Variants in TLK1 observed in about 807,000 individuals in gnomAD.
The protein encoded by TLK1 is tousled like kinase 1.
A neutral mutation model predicts 105.3 loss-of-function variants in TLK1; 24 were observed. That is an observed-to-expected ratio of 0.23 (90% CI 0.17 to 0.32). The LOEUF (loss-of-function observed/expected upper bound fraction) is 0.32. TLK1 is among the 10% of genes least tolerant of loss of function. The pLI is 1.00. For missense variants in TLK1, 558 were observed against 910.5 expected (o/e 0.61, Z 4.98); for synonymous variants, 321 against 310.4 (o/e 1.03, Z -0.36).
intron 10 of TLK1, among the ~76,000 whole-genome samples, chr2:171,048,941 C>A (rs538230100): frequency 1.3e-5 from 2 of 152,168 alleles, no homozygotes; most frequent in Non-Finnish European, 2.9e-5. Context: ...ACATAAACAG[C>A]CAATAAATCC....
intron 1 of TLK1, among the ~76,000 whole-genome samples, chr2:171,159,294 T>C (rs1197652440): frequency 6.6e-6 from 1 of 152,218 alleles, no homozygotes; most frequent in Admixed American, 6.5e-5. Context: ...TTTTCCAGAC[T>C]AAAGAGCGTT....
intron 1 of TLK1, among the ~76,000 whole-genome samples, chr2:171,133,201 T>C (rs533787446): frequency 7.5e-4 from 114 of 152,234 alleles, no homozygotes; most frequent in African/African-American, 2.5e-3. Flanking sequence ...AGGGGAAACA[T>C]GGGGACATGT....
chr2:171,195,501 C>CAAAAAAAAA (rs55835853), intron 1 of TLK1, among the ~76,000 whole-genome samples: 3 of 66,290 alleles, frequency 4.5e-5, no homozygotes, highest in African/African-American at 1.0e-4. Context: ...GACTCTGTCT[C>CAAAAAAAAA]AAAAAAAAAA....
intron 1 of TLK1, among the ~76,000 whole-genome samples, chr2:171,224,853 CAT>C (rs1313622228): frequency 6.6e-6 from 1 of 152,090 alleles, no homozygotes; most frequent in African/African-American, 2.4e-5. Flanking sequence ...TAGTGATAGA[CAT>C]ATGTGTATAT....
At chr2:171,037,540 T>A (rs951132545) in intron 11 of TLK1, among the ~76,000 whole-genome samples, 3 of 151,960 alleles carry the variant, frequency 2.0e-5, no homozygotes, top group African/African-American at 7.3e-5. Context: ...TAAGGAAGTA[T>A]CTTCTGCTTG....
chr2:171,215,287 A>C (rs1412105372), intron 1 of TLK1, among the ~76,000 whole-genome samples: 1 of 150,494 alleles, frequency 6.6e-6, no homozygotes, highest in East Asian at 2.0e-4. Context: ...CTTCCACTCC[A>C]CCTACATAAA....
intron 1 of TLK1, among the ~76,000 whole-genome samples, chr2:171,148,126 A>G (rs1691866415): frequency 2.0e-5 from 3 of 152,054 alleles, no homozygotes. Flanking sequence ...TCCTGACCTC[A>G]TGATCCGCCC....
intron 11 of TLK1, among the ~76,000 whole-genome samples, chr2:171,028,934 T>G (rs1390485062): frequency 1.0e-5 from 1 of 100,264 alleles, no homozygotes; most frequent in African/African-American, 3.9e-5. Flanking sequence ...TAATTTGGAC[T>G]GGGTGTTAGA....
chr2:171,035,116 G>T (rs34960296), intron 11 of TLK1, among the ~76,000 whole-genome samples: 27,630 of 151,916 alleles, frequency 0.18, 2,941 homozygotes, highest in Non-Finnish European at 0.24. Context: ...CGAGGAGGGT[G>T]GATCACCTGA....
At chr2:171,101,346 C>CAAAAAAAAAAAAAAAAAAA (rs71401403) in intron 2 of TLK1, among the ~76,000 whole-genome samples, 18 of 63,488 alleles carry the variant, frequency 2.8e-4, no homozygotes, top group African/African-American at 1.2e-3. Flanking sequence ...AACTCCGTCT[C>CAAAAAAAAAAAAAAAAAAA]AAAAAAAAAA....
At chr2:171,080,059 C>T (rs1033040643) in intron 3 of TLK1, among the ~76,000 whole-genome samples, 6 of 151,424 alleles carry the variant, frequency 4.0e-5, no homozygotes, top group African/African-American at 9.7e-5. Flanking sequence ...TGTCTGGGCA[C>T]GGTGGCTTAC....
chr2:171,063,371 G>A (rs571052675), intron 3 of TLK1, among the ~76,000 whole-genome samples: 5 of 151,988 alleles, frequency 3.3e-5, no homozygotes, highest in South Asian at 4.2e-4. Context: ...CCAAGTCTAC[G>A]TTAAAATAAA....
intron 1 of TLK1, among the ~76,000 whole-genome samples, chr2:171,189,984 T>G (rs986276371): frequency 1.3e-5 from 2 of 152,148 alleles, no homozygotes; most frequent in African/African-American, 4.8e-5. Context: ...AGCTAAAACA[T>G]GGAAAGAGAT....
At position 171,135,958 on chromosome 2, in the gene TLK1, G is replaced by A. The variant is rs543499540; in HGVS notation, c.140-18101C>T. The stretch of plus-strand genomic sequence containing the variant: ...ACCTTTGTGTACTGTCAGTAGGAAT[G>A]TAAAATGGTACAGCTAGATAGAAAA... On this transcript the variant is annotated intron_variant, in intron 1 of 20. Coordinates refer to ENST00000431350, the MANE Select transcript of TLK1 (RefSeq NM_012290.5). Among the ~76,000 whole-genome samples, 5 of 152,328 alleles carry A rather than the reference G, an allele frequency of 3.3e-5. 1 individual carries two copies. The highest frequency in any genetic ancestry group is 1.2e-4 in the African/African-American group (5 of 41,572).
intron 2 of TLK1, among the ~76,000 whole-genome samples, chr2:171,093,456 G>T (rs1445120479): frequency 1.3e-5 from 2 of 152,064 alleles, no homozygotes; most frequent in African/African-American, 4.8e-5. Context: ...AGGGCATATG[G>T]GCATCTGAAA....
chr2:171,191,411 T>A (rs866293635), intron 1 of TLK1, among the ~76,000 whole-genome samples: 1 of 148,936 alleles, frequency 6.7e-6, no homozygotes, highest in African/African-American at 2.5e-5. Flanking sequence ...CCCCCCCCTC[T>A]AAAAAAATGA....
At chr2:171,063,310 C>T (rs772711407) in intron 3 of TLK1, among the ~76,000 whole-genome samples, 15 of 152,118 alleles carry the variant, frequency 9.9e-5, no homozygotes, top group Non-Finnish European at 1.9e-4. Context: ...CACACCACTG[C>T]ACTCCAGTTT....
intron 1 of TLK1, among the ~76,000 whole-genome samples, chr2:171,152,630 T>G (rs892128180): frequency 6.6e-6 from 1 of 152,180 alleles, no homozygotes; most frequent in Non-Finnish European, 1.5e-5. Flanking sequence ...TTGCCCATAC[T>G]GAATACTATT....
intron 2 of TLK1, among the ~76,000 whole-genome samples, chr2:171,108,418 G>GA (rs1326203557): frequency 9.2e-5 from 14 of 151,774 alleles, no homozygotes; most frequent in Non-Finnish European, 1.6e-4. Flanking sequence ...AAAACATCAG[G>GA]AAAAAAATTC....
Sources: allele counts gnomAD v4.1 joint callset (sites outside exome capture counted in the v4.1 genomes callset), GRCh38; gene constraint gnomAD v4.1.1; transcripts MANE v1.5; gene names NCBI Gene and HGNC (gene_info 2026-07-23, HGNC 2026-07-21).